LIMCH1: variants seen among roughly 807,000 people sequenced by gnomAD.
LIMCH1 encodes LIM and calponin homology domains 1, also known as LIM and calponin homology domains-containing protein 1.
LIMCH1 carries 113 observed loss-of-function variants against 176.5 expected under a neutral mutation model. That is an observed-to-expected ratio of 0.64 (90% CI 0.55 to 0.75). The LOEUF (loss-of-function observed/expected upper bound fraction) is 0.75, where lower values mean the gene tolerates loss of function less well. Among genes scored for constraint, LIMCH1 ranks in the 30% least tolerant of loss-of-function variants. The pLI is 0.00. For synonymous variants in LIMCH1, 619 were observed against 645.9 expected (o/e 0.96, Z 0.63); for missense variants, 1,674 against 1,814.9 (o/e 0.92, Z 1.41).
chr4:41,474,893 A>G (rs1228396267), intron 1 of LIMCH1, among the ~76,000 whole-genome samples: 2 of 152,218 alleles, frequency 1.3e-5, no homozygotes, highest in Admixed American at 1.3e-4. Context: ...CTGCAGCACT[A>G]TTCACCATAG....
At chr4:41,498,499 A>C (rs965122593) in intron 2 of LIMCH1, among the ~76,000 whole-genome samples, 14 of 152,172 alleles carry the variant, frequency 9.2e-5, no homozygotes, top group African/African-American at 3.4e-4. Context: ...GTGTGTGTGT[A>C]GTTGAAGTTT....
At chr4:41,461,453 A>G (rs1349858539) in intron 1 of LIMCH1, among the ~76,000 whole-genome samples, 1 of 152,222 alleles carries the variant, frequency 6.6e-6, no homozygotes, top group African/African-American at 2.4e-5. Context: ...AAAAAAGAAG[A>G]AGATAAAAAA....
At chr4:41,491,011 G>A (rs2154173105) in intron 1 of LIMCH1, among the ~76,000 whole-genome samples, 1 of 149,786 alleles carries the variant, frequency 6.7e-6, no homozygotes, top group East Asian at 2.0e-4. Flanking sequence ...CCCAGACGGG[G>A]CGGCTGGGCA....
chr4:41,448,330 G>T (rs981836381), intron 1 of LIMCH1, among the ~76,000 whole-genome samples: 3 of 152,272 alleles, frequency 2.0e-5, no homozygotes, highest in Admixed American at 2.0e-4. Flanking sequence ...ACTGGTTGAG[G>T]CTAGGGTGAT....
At chr4:41,460,478 A>ATATATATATATATATATATATC (rs1410622782) in intron 1 of LIMCH1, among the ~76,000 whole-genome samples, 3 of 145,076 alleles carry the variant, frequency 2.1e-5, no homozygotes, top group African/African-American at 7.7e-5. Flanking sequence ...ATATATATAT[A>ATATATATATATATATATATATC]TCTTATAATA....
At chr4:41,408,854 C>G (rs1211626237) in intron 1 of LIMCH1, among the ~76,000 whole-genome samples, 1 of 152,192 alleles carries the variant, frequency 6.6e-6, no homozygotes, top group African/African-American at 2.4e-5. Flanking sequence ...CCCCAACAAA[C>G]TATTGCCATA....
intron 1 of LIMCH1, among the ~76,000 whole-genome samples, chr4:41,367,866 TAAA>T (rs750045066): frequency 0.17 from 15,393 of 90,772 alleles, 770 homozygotes; most frequent in Middle Eastern, 0.21. Context: ...GACTCCATCA[TAAA>T]AAAAAAAAAA....
chr4:41,568,454 C>T (rs1163930478), intron 1 of LIMCH1, among the ~76,000 whole-genome samples: 3 of 152,202 alleles, frequency 2.0e-5, no homozygotes, highest in Non-Finnish European at 2.9e-5. Flanking sequence ...GTTTGATCCA[C>T]ATGCACACAG....
At chr4:41,433,179 G>A (rs1582085745) in intron 1 of LIMCH1, among the ~76,000 whole-genome samples, 1 of 152,144 alleles carries the variant, frequency 6.6e-6, no homozygotes, top group Non-Finnish European at 1.5e-5. Flanking sequence ...GGCATTTAGT[G>A]AAAAAACAAA....
chr4:41,691,309 C>T lies in LIMCH1; in HGVS notation c.4276-973C>T, dbSNP rs112661412. ...TCCCCCTGCAAGAGGCTGGCACCCA[C>T]ACCAACTTCCACTGCCTTTCTACCC... On this transcript the variant is annotated intron_variant, in intron 30 of 31. Transcript: ENST00000503057. Among the ~76,000 whole-genome samples, 1,109 of 152,306 alleles carry T rather than the reference C, an allele frequency of 7.3e-3. 17 individuals carry two copies. The highest frequency in any genetic ancestry group is 0.026 in the African/African-American group (1,061 of 41,562).
chr4:41,395,282 G>T (rs928920285), intron 1 of LIMCH1, among the ~76,000 whole-genome samples: 1 of 146,504 alleles, frequency 6.8e-6, no homozygotes, highest in Non-Finnish European at 1.5e-5. Context: ...ACCCAGTCTG[G>T]AGGGCAGTGG....
chr4:41,362,613 A>G (rs972293103), intron 1 of LIMCH1, among the ~76,000 whole-genome samples: 2 of 152,190 alleles, frequency 1.3e-5, no homozygotes, highest in South Asian at 4.1e-4. Flanking sequence ...TATCATTGAC[A>G]TATTCTGCTT....
chr4:41,373,392 A>G (rs566446884), intron 1 of LIMCH1, among the ~76,000 whole-genome samples: 1 of 152,356 alleles, frequency 6.6e-6, no homozygotes, highest in East Asian at 1.9e-4. Context: ...GGAAAGCTGC[A>G]TGGTCCTGGC....
intron 1 of LIMCH1, among the ~76,000 whole-genome samples, chr4:41,482,811 T>C (rs934947147): frequency 1.3e-5 from 2 of 152,180 alleles, no homozygotes; most frequent in South Asian, 2.1e-4. Context: ...CATGCAAACC[T>C]TTGGAGTAGG....
At chr4:41,615,339 G>C (rs1022549701) in intron 5 of LIMCH1, among the ~76,000 whole-genome samples, 14 of 152,150 alleles carry the variant, frequency 9.2e-5, no homozygotes, top group African/African-American at 2.9e-4. Flanking sequence ...ACATCTTGAA[G>C]GGATTGGAGG....
rs143740336 is a variant in LIMCH1, at chr4:41,690,550, G to C, written c.4275+915G>C. Among the ~76,000 whole-genome samples, 451 of 152,186 alleles carry C rather than the reference G, an allele frequency of 3.0e-3. 3 individuals are homozygous for C. Among genetic ancestry groups the C allele is most frequent in the South Asian group, 0.02 (95 of 4,824 alleles). ...TGTCTCTAAGGAGGAGTAATTTCTTGGTCTGCATAATCCTAACATACTTTC... is the reference window on the plus strand; with the variant it reads ...TGTCTCTAAGGAGGAGTAATTTCTTCGTCTGCATAATCCTAACATACTTTC... On this transcript the variant is annotated intron_variant, in intron 30 of 31. Coordinates refer to ENST00000503057, the MANE Select transcript of LIMCH1 (RefSeq NM_001330672.2).
At chr4:41,670,863 G>A (rs982252197) in intron 21 of LIMCH1, 2 of 1,511,772 alleles carry the variant, frequency 1.3e-6, no homozygotes, top group African/African-American at 1.4e-5. Flanking sequence ...ATGATGTGTG[G>A]CACTTGTCTT....
intron 1 of LIMCH1, among the ~76,000 whole-genome samples, chr4:41,370,841 C>T (rs1016327695): frequency 6.6e-6 from 1 of 152,194 alleles, no homozygotes; most frequent in Non-Finnish European, 1.5e-5. Context: ...ACACCCAGCA[C>T]AGTGCCTGAT....
At chr4:41,592,212 G>C (rs538610808) in intron 1 of LIMCH1, among the ~76,000 whole-genome samples, 1 of 152,320 alleles carries the variant, frequency 6.6e-6, no homozygotes, top group South Asian at 2.1e-4. Context: ...GTTCTGTCCA[G>C]CTTTTAGATT....
Sources: gnomAD v4.1 joint callset for allele counts (sites outside exome capture counted in the v4.1 genomes callset) on GRCh38, gnomAD v4.1.1 for gene constraint, MANE v1.5 for transcripts, NCBI Gene and HGNC (gene_info 2026-07-23, HGNC 2026-07-21) for gene names.